DAPK2: variants seen among roughly 807,000 people sequenced by gnomAD.
The protein encoded by DAPK2 is death associated protein kinase 2.
DAPK2 carries 35 observed loss-of-function variants against 44.1 expected under a neutral mutation model. That is an observed-to-expected ratio of 0.79 (90% CI 0.61 to 1.05). DAPK2 has a LOEUF of 1.05. DAPK2 is among the 50% of genes least tolerant of loss of function. DAPK2 has a pLI of 0.00. For missense variants in DAPK2, 453 were observed against 483.2 expected, an observed-to-expected ratio of 0.94 and a Z score of 0.59; for synonymous variants, 174 against 182.6, an observed-to-expected ratio of 0.95 and a Z score of 0.38.
intron 4 of DAPK2, among the ~76,000 whole-genome samples, chr15:63,931,798 C>T (rs565856160): frequency 6.6e-6 from 1 of 152,094 alleles, no homozygotes; most frequent in East Asian, 1.9e-4. Flanking sequence ...AGATCAAATG[C>T]TCCCCAGAGA....
chr15:63,922,880 A>G, intron 8 of DAPK2: 1 of 1,535,888 alleles, frequency 6.5e-7, no homozygotes, highest in Non-Finnish European at 8.7e-7. Context: ...CAGCTCCTGA[A>G]TCCACTGCAG....
intron 3 of DAPK2, among the ~76,000 whole-genome samples, chr15:63,960,388 G>T (rs1330317825): frequency 6.6e-6 from 1 of 152,122 alleles, no homozygotes; most frequent in Middle Eastern, 3.2e-3. Flanking sequence ...ATTGCCTTCT[G>T]CTAGCTTTTG....
intron 3 of DAPK2, among the ~76,000 whole-genome samples, chr15:63,967,655 C>T (rs1057454487): frequency 6.6e-6 from 1 of 152,138 alleles, no homozygotes; most frequent in East Asian, 1.9e-4. Context: ...TGTGCCACTG[C>T]ACTCCAACCT....
intron 1 of DAPK2, among the ~76,000 whole-genome samples, chr15:63,986,017 A>C (rs1451474245): frequency 2.6e-5 from 4 of 152,204 alleles, no homozygotes; most frequent in Non-Finnish European, 5.9e-5. Flanking sequence ...GATGGCGCCA[A>C]ATACCACACA....
intron 1 of DAPK2, among the ~76,000 whole-genome samples, chr15:64,036,305 G>GTATATATATATA (rs1247245619): frequency 2.0e-5 from 1 of 50,802 alleles, no homozygotes; most frequent in Non-Finnish European, 5.0e-5. Flanking sequence ...GTGTGTGTGT[G>GTATATATATATA]TGTGTATATA....
intron 4 of DAPK2, among the ~76,000 whole-genome samples, chr15:63,936,173 G>A (rs955144717): frequency 3.3e-5 from 5 of 152,130 alleles, no homozygotes; most frequent in Non-Finnish European, 7.3e-5. Context: ...GTCTCTAACT[G>A]AAGTGGCGAC....
chr15:63,926,558 T>C (rs976287551), intron 6 of DAPK2, among the ~76,000 whole-genome samples: 4 of 152,066 alleles, frequency 2.6e-5, no homozygotes, highest in African/African-American at 7.2e-5. Flanking sequence ...CAGGAGCAAC[T>C]TGAGCAGAGC....
intron 1 of DAPK2, among the ~76,000 whole-genome samples, chr15:64,037,771 G>A (rs1034039854): frequency 7.9e-5 from 12 of 152,202 alleles, no homozygotes; most frequent in African/African-American, 2.4e-4. Context: ...ACTGTCAAGT[G>A]AGAGGCCTGG....
intron 3 of DAPK2, among the ~76,000 whole-genome samples, chr15:63,949,032 G>A (rs1028509976): frequency 3.3e-5 from 5 of 152,154 alleles, no homozygotes; most frequent in African/African-American, 1.2e-4. Context: ...TGATGCCGGC[G>A]TGCCTTCTGA....
intron 3 of DAPK2, among the ~76,000 whole-genome samples, chr15:63,949,021 C>A (rs2077522014): frequency 1.3e-5 from 2 of 152,214 alleles, no homozygotes; most frequent in Non-Finnish European, 1.5e-5. Context: ...CCTCCTCTAG[C>A]TGATGCCGGC....
intron 2 of DAPK2, among the ~76,000 whole-genome samples, chr15:63,975,641 C>T (rs1295559803): frequency 4.0e-5 from 6 of 151,840 alleles, no homozygotes; most frequent in African/African-American, 1.5e-4. Flanking sequence ...TTCTGTTGCC[C>T]AGGCTGGAGT....
chr15:63,987,781 G>A (rs574511682), intron 1 of DAPK2, among the ~76,000 whole-genome samples: 17 of 152,300 alleles, frequency 1.1e-4, no homozygotes, highest in African/African-American at 4.1e-4. Context: ...CTGGGCTGGT[G>A]TCAGGAGACT....
upstream of DAPK2, among the ~76,000 whole-genome samples, chr15:64,043,286 C>T (rs1595932725): frequency 6.6e-6 from 1 of 152,144 alleles, no homozygotes; most frequent in East Asian, 1.9e-4. Context: ...CAGATGTTTT[C>T]CCAAATGATC....
intron 1 of DAPK2, among the ~76,000 whole-genome samples, chr15:64,028,206 G>T (rs1305308031): frequency 1.3e-5 from 2 of 152,128 alleles, no homozygotes; most frequent in East Asian, 3.9e-4. Flanking sequence ...CTACAGGTGT[G>T]CGCCACCACA....
intron 2 of DAPK2, 98 bp from the exon 4 acceptor site, chr15:63,971,659 C>T (rs1161481953): frequency 2.3e-6 from 3 of 1,322,530 alleles, no homozygotes; most frequent in East Asian, 5.0e-5. Flanking sequence ...CCTGACCCCC[C>T]AGGGACCTTG....
At chr15:63,971,340 G>T in intron 3 of DAPK2, 83 bp downstream of exon 4, 1 of 1,533,928 alleles carries the variant, frequency 6.5e-7, no homozygotes, top group Non-Finnish European at 8.9e-7. Context: ...GGTCGGCACT[G>T]GGCCCATCCT....
In DAPK2 at chr15:63,966,439, A is replaced by G. The variant is rs2078056627; in HGVS notation, c.453+4984T>C. ...AGCACTTCCTTGGCCATCCCAACTG[A>G]TGTCTCACTAGGTGTACCCTCCAAG... On this transcript the variant is annotated intron_variant, in intron 3 of 10. Coordinates refer to ENST00000261891, the Ensembl canonical transcript of DAPK2. This position sits in a 1 kb window ranked among gnomAD's most constrained non-coding sequence, Gnocchi z 5.5. Among the ~76,000 whole-genome samples, 1 of 152,144 alleles carries G rather than the reference A, an allele frequency of 6.6e-6. No homozygotes were observed. The highest frequency in any genetic ancestry group is 2.4e-5 in the African/African-American group (1 of 41,444).
chr15:63,983,800 TGGGGA>T, intron 1 of DAPK2, 46 bp from the exon 3 acceptor site: 1 of 1,564,076 alleles, frequency 6.4e-7, no homozygotes, highest in Non-Finnish European at 8.7e-7. Flanking sequence ...CTGTGGTCAT[TGGGGA>T]AATGACCCCA....
chr15:63,930,375 G>C (rs201229594), intron 5 of DAPK2, 32 bp downstream of exon 6: 7 of 1,611,468 alleles, frequency 4.3e-6, no homozygotes, highest in Non-Finnish European at 5.9e-6. Context: ...TGGAAGGATC[G>C]CTAGGTCACC....
Sources: gnomAD v4.1 joint callset for allele counts (sites outside exome capture counted in the v4.1 genomes callset) on GRCh38, gnomAD v4.1.1 for gene constraint, Gnocchi (gnomAD v3.1) non-coding constraint, MANE v1.5 for transcripts, NCBI Gene and HGNC (gene_info 2026-07-23, HGNC 2026-07-21) for gene names.